The following DPP10 variants were observed in gnomAD, a reference collection of about 807,000 sequenced individuals.
DPP10 encodes dipeptidyl peptidase like 10.
A neutral mutation model predicts 120.9 loss-of-function variants in DPP10; 33 were observed. That is an observed-to-expected ratio of 0.27 (90% confidence interval 0.21 to 0.37). DPP10 has a LOEUF of 0.37. DPP10 is among the 10% of genes least tolerant of loss of function. The pLI, the probability that DPP10 is intolerant of heterozygous loss-of-function variation, is 1.00. For missense variants in DPP10, 816 were observed against 942.8 expected (o/e 0.87, Z 1.76); for synonymous variants, 337 against 326.1 (o/e 1.03, Z -0.36).
At chr2:114,993,546 AATGG>A (rs1700874039) in intron 1 of DPP10, among the ~76,000 whole-genome samples, 3 of 137,138 alleles carry the variant, frequency 2.2e-5, no homozygotes, top group African/African-American at 7.9e-5. Context: ...CAATGTAGAT[AATGG>A]ATGGATTCTT....
At chr2:115,781,154 A>AT (rs1682720973) in intron 16 of DPP10, among the ~76,000 whole-genome samples, 159 bp downstream of exon 16, 1 of 151,768 alleles carries the variant, frequency 6.6e-6, no homozygotes, top group Admixed American at 6.6e-5. Flanking sequence ...CTGAGATACA[A>AT]TTTTTTACAT....
chr2:114,972,315 T>G (rs1402059543), intron 1 of DPP10, among the ~76,000 whole-genome samples: 1 of 152,162 alleles, frequency 6.6e-6, no homozygotes, highest in Non-Finnish European at 1.5e-5. Context: ...TTACATTCAG[T>G]TTTGCAAACT....
At chr2:115,216,190 C>A (rs2056806391) in intron 1 of DPP10, among the ~76,000 whole-genome samples, 2 of 152,044 alleles carry the variant, frequency 1.3e-5, no homozygotes, top group African/African-American at 4.8e-5. Context: ...AAAAAATTAC[C>A]TAATGGGTGC....
At chr2:114,736,414 A>G (rs1469083165) in intron 1 of DPP10, among the ~76,000 whole-genome samples, 1 of 152,216 alleles carries the variant, frequency 6.6e-6, no homozygotes, top group African/African-American at 2.4e-5. Context: ...TGAATGAAGG[A>G]ATGAATGGAT....
chr2:115,405,242 A>T (rs1459253677), intron 3 of DPP10, among the ~76,000 whole-genome samples: 6 of 152,194 alleles, frequency 3.9e-5, no homozygotes, highest in Admixed American at 2.6e-4. Context: ...AGAGAGGCAA[A>T]AAGAAAAATC....
intron 10 of DPP10, among the ~76,000 whole-genome samples, chr2:115,751,797 T>G (rs1867815): frequency 0.51 from 76,788 of 149,644 alleles, 22,554 homozygotes; most frequent in East Asian, 0.71. Flanking sequence ...GTGTTTTTTT[T>G]TTGTTGTTTT....
At chr2:115,605,347 C>A (rs1462501194) in intron 5 of DPP10, among the ~76,000 whole-genome samples, 1 of 151,954 alleles carries the variant, frequency 6.6e-6, no homozygotes, top group African/African-American at 2.4e-5. Flanking sequence ...ACAAAAAGAT[C>A]AAAATTTTAA....
At chr2:115,569,182 C>A (rs1051964022) in intron 5 of DPP10, among the ~76,000 whole-genome samples, 9 of 152,174 alleles carry the variant, frequency 5.9e-5, no homozygotes, top group African/African-American at 2.2e-4. Context: ...GTAATTGATA[C>A]AACCAAATTT....
chr2:115,162,301 C>A, intron 1 of DPP10: 2 of 1,506,668 alleles, frequency 1.3e-6, no homozygotes, highest in African/African-American at 1.4e-5. Context: ...CCGGGGAACC[C>A]CGGCGGGCGG....
At chr2:114,655,403 T>G (rs1446637418) in intron 1 of DPP10, among the ~76,000 whole-genome samples, 2 of 152,194 alleles carry the variant, frequency 1.3e-5, no homozygotes, top group Non-Finnish European at 2.9e-5. Context: ...AAACCTCGTG[T>G]TCCACTTTCA....
chr2:114,995,918 C>T (rs1701051607), intron 1 of DPP10, among the ~76,000 whole-genome samples: 1 of 152,018 alleles, frequency 6.6e-6, no homozygotes. Context: ...CAGGTATAAC[C>T]AGATAAAGAC....
At chr2:115,410,275 A>G (rs1404249246) in intron 3 of DPP10, among the ~76,000 whole-genome samples, 2 of 152,244 alleles carry the variant, frequency 1.3e-5, no homozygotes, top group Non-Finnish European at 2.9e-5. Context: ...CGTAATACAT[A>G]TACATCATAG....
intron 3 of DPP10, among the ~76,000 whole-genome samples, chr2:115,455,102 A>T (rs34615665): frequency 0.072 from 10,858 of 151,548 alleles, 698 homozygotes; most frequent in East Asian, 0.2. Context: ...GAATATAAAT[A>T]AAAAAGATTA....
intron 1 of DPP10, among the ~76,000 whole-genome samples, chr2:114,873,734 C>T (rs190800330): frequency 6.6e-5 from 10 of 152,146 alleles, no homozygotes; most frequent in African/African-American, 2.2e-4. Flanking sequence ...TTAACAACCA[C>T]GTTAACGTAC....
At chr2:114,485,597 C>T (rs934021879) in intron 1 of DPP10, among the ~76,000 whole-genome samples, 3 of 151,614 alleles carry the variant, frequency 2.0e-5, no homozygotes, top group African/African-American at 7.3e-5. Flanking sequence ...GTGTTGTGGC[C>T]TAATGTAGGA....
intron 1 of DPP10, among the ~76,000 whole-genome samples, chr2:114,681,732 G>A (rs978388416): frequency 2.6e-4 from 39 of 152,102 alleles, no homozygotes; most frequent in African/African-American, 7.2e-5. Context: ...CTGACTCTAC[G>A]TTAGAGTTTT....
chr2:114,589,019 G>A (rs1691230499), intron 1 of DPP10, among the ~76,000 whole-genome samples: 1 of 125,406 alleles, frequency 8.0e-6, no homozygotes, highest in Admixed American at 8.9e-5. Context: ...CTGTCCGGTA[G>A]AAAGGCAAAG....
chr2:115,290,133 T>A (rs2060593945), intron 1 of DPP10, among the ~76,000 whole-genome samples: 1 of 151,968 alleles, frequency 6.6e-6, no homozygotes, highest in African/African-American at 2.4e-5. Context: ...CTACAAGGAA[T>A]TCAAACAAAT....
rs551927403 is a variant in DPP10 at position 114,925,013 on chromosome 2, C to T, written c.61-384226C>T. ...AATCACGAGGTCAGGAGTTTGAGAC[C>T]AGCCTGGCTAACACGGTGAAACCCC... On this transcript the variant is annotated intron_variant, in intron 1 of 25. Transcript: ENST00000410059. Among the ~76,000 whole-genome samples the T allele has an allele frequency of 2.9e-4, 44 of 152,170 alleles. 1 individual carries two copies. The highest frequency in any genetic ancestry group is 1.0e-3 in the African/African-American group (42 of 41,516).
Sources: allele counts gnomAD v4.1 joint callset (sites outside exome capture counted in the v4.1 genomes callset), GRCh38; gene constraint gnomAD v4.1.1; transcripts MANE v1.5; gene names NCBI Gene and HGNC (gene_info 2026-07-23, HGNC 2026-07-21).